DLC1: variants seen among roughly 807,000 people sequenced by gnomAD.
DLC1 encodes DLC1 Rho GTPase activating protein.
A neutral mutation model predicts 140.3 loss-of-function variants in DLC1; 54 were observed. The ratio of observed to expected loss-of-function variants is 0.38; its 90% CI spans 0.31 to 0.48. The LOEUF (loss-of-function observed/expected upper bound fraction) is 0.48, where lower values mean the gene tolerates loss of function less well. DLC1 is among the 20% of genes least tolerant of loss of function. The probability of loss-of-function intolerance (pLI) is 0.96; values close to 1 mark genes in which losing one functional copy is unlikely to be tolerated. For synonymous variants in DLC1, 986 were observed against 728.1 expected, an observed-to-expected ratio of 1.35 and a Z score of -5.70; for missense variants, 2,536 against 1,907.0, an observed-to-expected ratio of 1.33 and a Z score of -6.14.
At chr8:13,215,915 C>T (rs541216062) in intron 5 of DLC1, among the ~76,000 whole-genome samples, 164 of 152,302 alleles carry the variant, frequency 1.1e-3, no homozygotes, top group Middle Eastern at 3.4e-3. Flanking sequence ...GTGTGCCCTG[C>T]TGGGAGTGGC....
chr8:13,098,881 A>G (rs1818736540), intron 9 of DLC1, among the ~76,000 whole-genome samples: 1 of 152,068 alleles, frequency 6.6e-6, no homozygotes, highest in African/African-American at 2.4e-5. Flanking sequence ...CTCCCAAAGT[A>G]TTGGATTACA....
chr8:13,539,275 C>G (rs978855379), intron 1 of DLC1, among the ~76,000 whole-genome samples: 2 of 152,116 alleles, frequency 1.3e-5, no homozygotes, highest in Non-Finnish European at 2.9e-5. Context: ...TCTCAGCTCA[C>G]TGCAAGCTCT....
intron 7 of DLC1, among the ~76,000 whole-genome samples, chr8:13,107,285 C>T (rs976690196): frequency 3.3e-5 from 5 of 152,192 alleles, no homozygotes; most frequent in Admixed American, 2.0e-4. Context: ...AAAGAAGCTC[C>T]TACTTACTTC....
chr8:13,499,405 T>C lies in DLC1; in HGVS notation c.667A>G (p.Lys223Glu), dbSNP rs75453454. The change falls in exon 2 of 18, where the codon AAA becomes GAA. Residue 223 changes from lysine to glutamate, a missense_variant. By Grantham distance (56) the Lys-to-Glu change is moderately conservative. Coordinates refer to ENST00000276297, the MANE Select transcript of DLC1 (RefSeq NM_182643.3). Reference sequence around the variant, plus strand: ...ATTACAGCAGAGTTAAGCAATTGTTTCTCAGGTGCAATATCTTTCACGTTC... The same window carrying C: ...ATTACAGCAGAGTTAAGCAATTGTTCCTCAGGTGCAATATCTTTCACGTTC... The part of the protein sequence containing the change: ...TLNVKDIAPE[K>E]QLLNSAVIAQ... 433 of 1,613,804 alleles carry C rather than the reference T, an allele frequency of 2.7e-4. 6 individuals are homozygous for C. In the East Asian group the frequency reaches 9.6e-3, roughly 36 times the overall value.
At chr8:13,395,324 T>C (rs549461232) in intron 3 of DLC1, among the ~76,000 whole-genome samples, 125 of 152,240 alleles carry the variant, frequency 8.2e-4, no homozygotes, top group African/African-American at 2.9e-3. Flanking sequence ...GGTTTCACTA[T>C]GTTGGCCAGA....
intron 5 of DLC1, among the ~76,000 whole-genome samples, chr8:13,135,875 T>C (rs972788076): frequency 3.3e-5 from 5 of 152,222 alleles, no homozygotes; most frequent in Non-Finnish European, 7.3e-5. Context: ...TTTCATTACA[T>C]GTCTCTGGAG....
chr8:13,510,597 G>A (rs1002895741), intron 1 of DLC1, among the ~76,000 whole-genome samples: 2 of 152,184 alleles, frequency 1.3e-5, no homozygotes. Flanking sequence ...AAGTAGTTAC[G>A]GGGCAAACAT....
At chr8:13,153,652 CAG>C (rs1247420268) in intron 5 of DLC1, among the ~76,000 whole-genome samples, 1 of 152,138 alleles carries the variant, frequency 6.6e-6, no homozygotes, top group Non-Finnish European at 1.5e-5. Context: ...GAGCTAGACA[CAG>C]AGTGCTGATT....
At chr8:13,343,383 T>C (rs1008076873) in intron 4 of DLC1, among the ~76,000 whole-genome samples, 2 of 152,184 alleles carry the variant, frequency 1.3e-5, no homozygotes, top group Non-Finnish European at 2.9e-5. Context: ...CAGTGTGGTG[T>C]CCTCAATCAG....
Position 13,494,059 on chromosome 8 carries a change from A to G in DLC1, c.1023+4990T>C, listed in dbSNP as rs78240707. ...GTTTTTCTATGAGAAATGATATAGC[A>G]TCTGATAAACATCACTTAATATATC... On this transcript the variant is annotated intron_variant, in intron 2 of 17. Transcript: ENST00000276297. Among the ~76,000 whole-genome samples the G allele has an allele frequency of 5.3e-3, 814 of 152,346 alleles. 8 individuals carry two copies. The highest frequency in any genetic ancestry group is 0.018 in the African/African-American group (759 of 41,570).
At chr8:13,494,055 T>C (rs1304378221) in intron 2 of DLC1, among the ~76,000 whole-genome samples, 1 of 152,226 alleles carries the variant, frequency 6.6e-6, no homozygotes, top group Non-Finnish European at 1.5e-5. Flanking sequence ...AGAAATGATA[T>C]AGCATCTGAT....
intron 1 of DLC1, among the ~76,000 whole-genome samples, chr8:13,520,047 T>C (rs1176876590): frequency 6.6e-6 from 1 of 152,176 alleles, no homozygotes; most frequent in Non-Finnish European, 1.5e-5. Context: ...AGTTCAATCA[T>C]TATGTAAGAC....
chr8:13,506,975 T>A (rs1802121404), intron 1 of DLC1, among the ~76,000 whole-genome samples: 1 of 152,072 alleles, frequency 6.6e-6, no homozygotes, highest in South Asian at 2.1e-4. Context: ...TTGTACATCG[T>A]ATGTGCCCCC....
intron 4 of DLC1, among the ~76,000 whole-genome samples, chr8:13,316,647 C>T (rs1009877775): frequency 4.6e-5 from 7 of 151,974 alleles, no homozygotes; most frequent in East Asian, 3.9e-4. Flanking sequence ...CCACTCGGCA[C>T]GATTGCTTGG....
intron 5 of DLC1, among the ~76,000 whole-genome samples, chr8:13,280,298 A>AG (rs1388228731): frequency 6.6e-6 from 1 of 151,142 alleles, no homozygotes; most frequent in African/African-American, 2.4e-5. Flanking sequence ...AAAAAAAAAA[A>AG]AAAAAAAAAA....
At chr8:13,287,339 C>CG (rs1223181041) in intron 5 of DLC1, among the ~76,000 whole-genome samples, 2 of 152,062 alleles carry the variant, frequency 1.3e-5, no homozygotes, top group African/African-American at 4.8e-5. Flanking sequence ...TTGAATCTAA[C>CG]GATAAAAAAA....
intron 4 of DLC1, among the ~76,000 whole-genome samples, chr8:13,357,028 G>A (rs183985558): frequency 2.4e-4 from 36 of 151,788 alleles, no homozygotes; most frequent in African/African-American, 7.5e-4. Flanking sequence ...CAACACTTAG[G>A]GGGGCTGAGG....
chr8:13,434,624 C>G (rs928491361), intron 2 of DLC1, among the ~76,000 whole-genome samples: 2 of 152,162 alleles, frequency 1.3e-5, no homozygotes, highest in Non-Finnish European at 2.9e-5. Context: ...CCTGCTAACA[C>G]CACATCCACT....
chr8:13,406,001 T>C (rs1837535503), intron 2 of DLC1, among the ~76,000 whole-genome samples: 1 of 143,456 alleles, frequency 7.0e-6, no homozygotes, highest in Admixed American at 7.0e-5. Flanking sequence ...TCTTTCTTTA[T>C]TCTTCTTCTT....
Sources: allele counts gnomAD v4.1 joint callset (sites outside exome capture counted in the v4.1 genomes callset), GRCh38; gene constraint gnomAD v4.1.1; transcripts MANE v1.5; gene names NCBI Gene and HGNC (gene_info 2026-07-23, HGNC 2026-07-21).